Variants in SEMA7A observed in about 807,000 individuals in gnomAD.
SEMA7A encodes semaphorin-7A.
Under a neutral mutation model 67.5 loss-of-function variants are expected in SEMA7A, and 21 were observed. The observed-to-expected ratio is 0.31, with a 90% CI of 0.22 to 0.45. SEMA7A has a LOEUF of 0.45. SEMA7A is among the 20% of genes least tolerant of loss of function. The pLI is 1.00. For missense variants in SEMA7A, 774 were observed against 908.6 expected (o/e 0.85, Z 1.90); for synonymous variants, 364 against 368.5 (o/e 0.99, Z 0.14).
intron 1 of SEMA7A, among the ~76,000 whole-genome samples, chr15:74,426,689 T>C (rs141634464): frequency 1.2e-3 from 188 of 152,114 alleles, no homozygotes; most frequent in African/African-American, 4.4e-3. Context: ...GGCAGAAGGA[T>C]CACATGTGTT....
Position 74,411,065 on chromosome 15 carries a change from A to G in SEMA7A, c.1640-80T>C. On this transcript the variant is annotated intron_variant, in intron 13 of 13. Coordinates refer to ENST00000261918, the MANE Select transcript of SEMA7A (RefSeq NM_003612.5). The surrounding 1 kb of genome is among the most constrained non-coding windows in gnomAD (Gnocchi z 4.4). ...GGATGTGTCCTCCCCACGGACTGGG[A>G]TCCCAGGACAAGGCTTCTGAATGAA... 2 of 1,530,088 alleles carry G rather than the reference A, an allele frequency of 1.3e-6. No individual in the cohort carries two copies. The highest frequency in any genetic ancestry group is 1.8e-6 in the Non-Finnish European group (2 of 1,140,550). 94.8% of individuals were successfully genotyped at this position (1,530,088 alleles called of 1,614,324 possible).
chr15:74,421,723 A>G (rs753764396), intron 1 of SEMA7A, among the ~76,000 whole-genome samples: 40 of 152,146 alleles, frequency 2.6e-4, no homozygotes, highest in African/African-American at 8.0e-4. Context: ...CGATGAATAC[A>G]TGAAAGGAAG....
chr15:74,412,098 G>T, intron 10 of SEMA7A, 86 bp from the exon 11 acceptor site: 1 of 1,530,534 alleles, frequency 6.5e-7, no homozygotes, highest in Non-Finnish European at 9.0e-7. Context: ...GGGGTGGGAA[G>T]TCACAACTCA....
chr15:74,426,020 C>G (rs1412285841), intron 1 of SEMA7A, among the ~76,000 whole-genome samples: 2 of 152,224 alleles, frequency 1.3e-5, no homozygotes, highest in African/African-American at 4.8e-5. Flanking sequence ...TGCCCATAAT[C>G]CCGGCGCTTT....
intron 8 of SEMA7A, among the ~76,000 whole-genome samples, chr15:74,415,590 C>T (rs1424556332): frequency 6.6e-6 from 1 of 152,144 alleles, no homozygotes; most frequent in Non-Finnish European, 1.5e-5. Flanking sequence ...AGGGCATGCA[C>T]ACACACCCAT....
chr15:74,433,632 C>A, intron 1 of SEMA7A, 109 bp downstream of exon 1: 1 of 1,295,144 alleles, frequency 7.7e-7, no homozygotes, highest in South Asian at 2.2e-5. Context: ...GGGGACAGCC[C>A]GGGACCCGCA....
Position 74,409,736 on chromosome 15 carries a change from C to T in SEMA7A, c.*888G>A, listed in dbSNP as rs961771783. 4 of 151,568 alleles carry T rather than the reference C, an allele frequency of 2.6e-5. No homozygotes were observed. Among genetic ancestry groups the T allele is most frequent in the African/African-American group, 9.7e-5 (4 of 41,160 alleles). The allele number at this position is 151,568 out of a possible 1,614,324, so 9.4% of individuals were successfully genotyped here. A position where few individuals can be genotyped will look rare whatever the true frequency, so the allele number is the denominator to read the frequency against. ...GTTTTCTCCTTCATTCTCCCGTTTC[C>T]CTCACCCCACCCCCTCCCATAACCA... On this transcript the variant is annotated 3_prime_UTR_variant, in exon 14 of 14. Coordinates refer to ENST00000261918, the MANE Select transcript of SEMA7A (RefSeq NM_003612.5).
chr15:74,412,852 T>TA, intron 10 of SEMA7A, among the ~76,000 whole-genome samples: 1 of 152,204 alleles, frequency 6.6e-6, no homozygotes, highest in East Asian at 1.9e-4. Flanking sequence ...ATCTTAGATC[T>TA]AAAAAGGATC....
intron 1 of SEMA7A, 117 bp downstream of exon 1, chr15:74,433,624 G>A: frequency 7.8e-7 from 1 of 1,282,026 alleles, no homozygotes; most frequent in Non-Finnish European, 9.8e-7. Flanking sequence ...GACAGCGCGG[G>A]GACAGCCCGG....
At position 74,433,874 on chromosome 15, in the gene SEMA7A, G is replaced by A; in HGVS notation, c.45C>T (p.Arg15=). Residue 15 remains arginine (R), a synonymous_variant, in exon 1 of 14, where the codon CGC becomes CGT. Coordinates refer to ENST00000261918, the MANE Select transcript of SEMA7A (RefSeq NM_003612.5). ...PPGRAAPSAP[R]ARVPGPPARL... ...GAGCCGGCGGGCCAGGGACGCGGGC[G>A]CGCGGTGCGCTGGGGGCGGCACGTC... 6 of 1,276,616 alleles carry A rather than the reference G, an allele frequency of 4.7e-6. No homozygotes were observed. The South Asian group carries it at 1.1e-4, about 24-fold the overall frequency. 79.1% of individuals were successfully genotyped at this position (1,276,616 alleles called of 1,614,324 possible). A position where few individuals can be genotyped will look rare whatever the true frequency, so the allele number is the denominator to read the frequency against.
chr15:74,418,104 C>T, intron 3 of SEMA7A, 135 bp from the exon 4 acceptor site: 1 of 1,183,814 alleles, frequency 8.4e-7, no homozygotes, highest in Non-Finnish European at 1.2e-6. Context: ...CCGGGACAGC[C>T]CAGAGTGTGT....
chr15:74,422,635 G>A (rs2061009684), intron 1 of SEMA7A, among the ~76,000 whole-genome samples: 1 of 152,212 alleles, frequency 6.6e-6, no homozygotes, highest in Admixed American at 6.5e-5. Context: ...AGGATGGCTG[G>A]GTTGTAGGAG....
rs534592697 is a variant in SEMA7A at position 74,411,135 on chromosome 15, C to T, written c.1640-150G>A. On this transcript the variant is annotated intron_variant, in intron 13 of 13. Transcript: ENST00000261918. The surrounding 1 kb of genome is among the most constrained non-coding windows in gnomAD (Gnocchi z 4.4). ...AGCGTCCTCCTTTTTTCTCCCGTCT[C>T]GCTCATCCCACCAAGAGGGCTCCCT... The T allele has an allele frequency of 1.7e-5, 23 of 1,350,282 alleles. No individual in the cohort carries two copies. The East Asian group carries it at 3.6e-4, about 21-fold the overall frequency. 83.6% of individuals were successfully genotyped at this position (1,350,282 alleles called of 1,614,324 possible).
At position 74,409,317 on chromosome 15, in the gene SEMA7A, T is replaced by C. The variant is rs1385386850; in HGVS notation, c.*1307A>G. 6.6e-6 allele frequency: 1 copy of C among 152,212 alleles called. No individual in the cohort carries two copies. 9.4% of individuals were successfully genotyped at this position (152,212 alleles called of 1,614,324 possible). A position where few individuals can be genotyped will look rare whatever the true frequency, so the allele number is the denominator to read the frequency against. On this transcript the variant is annotated 3_prime_UTR_variant, in exon 14 of 14. Transcript: ENST00000261918. ...ATAAATAGCTTGTTTATTAGTAATATGTTACATTATTAAAGTGCATTGAGA... is the reference window on the plus strand; with the variant it reads ...ATAAATAGCTTGTTTATTAGTAATACGTTACATTATTAAAGTGCATTGAGA...
Position 74,422,322 on chromosome 15 carries a change from C to G in SEMA7A, c.179-3370G>C, listed in dbSNP as rs535219109. 6.6e-5 allele frequency among the ~76,000 whole-genome samples: 10 copies of G among 152,020 alleles called. No homozygotes were observed. The East Asian group carries it at 7.8e-4, about 12-fold the overall frequency. On this transcript the variant is annotated intron_variant, in intron 1 of 13. Transcript: ENST00000261918. ...AGCACCGTCTGGCACCGTGTCCCCC[C>G]CTCACTCCCCAGCCTGACGCATTAG...
intron 1 of SEMA7A, among the ~76,000 whole-genome samples, chr15:74,420,705 C>A (rs961654681): frequency 6.6e-6 from 1 of 152,170 alleles, no homozygotes; most frequent in Non-Finnish European, 1.5e-5. Flanking sequence ...CACAGTCTTC[C>A]TGACTCAGCT....
At chr15:74,412,602 C>T (rs1347079112) in intron 10 of SEMA7A, among the ~76,000 whole-genome samples, 1 of 151,796 alleles carries the variant, frequency 6.6e-6, no homozygotes, top group Non-Finnish European at 1.5e-5. Flanking sequence ...AGAAAAGTTG[C>T]AAAGATAGTA....
At chr15:74,416,488 A>T (rs936754653) in intron 7 of SEMA7A, 87 bp downstream of exon 7, 3 of 1,424,104 alleles carry the variant, frequency 2.1e-6, no homozygotes, top group Non-Finnish European at 1.9e-6. Flanking sequence ...CACAACTTCT[A>T]CATGCACACG....
rs949831968 is a variant in SEMA7A at position 74,427,312 on chromosome 15, C to G, written c.178+6429G>C. 3.0e-6 allele frequency: 3 copies of G among 985,268 alleles called. No homozygotes were observed. In the African/African-American group the frequency reaches 5.2e-5, roughly 17 times the overall value. The allele number at this position is 985,268 out of a possible 1,614,324, so 61.0% of individuals were successfully genotyped here. A position where few individuals can be genotyped will look rare whatever the true frequency, so the allele number is the denominator to read the frequency against. On this transcript the variant is annotated intron_variant, in intron 1 of 13. Transcript: ENST00000261918. ...GAGCAGCTCAGACAGTGGAGAGAAG[C>G]AAGACTGGGGCAGGCCAAACTCCCA...
Sources: allele counts gnomAD v4.1 joint callset (sites outside exome capture counted in the v4.1 genomes callset), GRCh38; gene constraint gnomAD v4.1.1; non-coding constraint Gnocchi (gnomAD v3.1); transcripts MANE v1.5; gene names NCBI Gene and HGNC (gene_info 2026-07-23, HGNC 2026-07-21).